The following ALK variants were observed in gnomAD, a reference collection of about 807,000 sequenced individuals.
ALK encodes the protein ALK receptor tyrosine kinase.
ALK carries 74 observed loss-of-function variants against 163.1 expected under a neutral mutation model. The ratio of observed to expected loss-of-function variants is 0.45; its 90% confidence interval spans 0.38 to 0.55. The LOEUF (loss-of-function observed/expected upper bound fraction) is 0.55, where lower values mean the gene tolerates loss of function less well. Ranked by LOEUF, ALK falls within the 20% of genes least tolerant of loss-of-function variation. ALK has a pLI of 0.00. For synonymous variants in ALK, 960 were observed against 843.2 expected, an observed-to-expected ratio of 1.14 and a Z score of -2.40; for missense variants, 2,063 against 2,105.3, an observed-to-expected ratio of 0.98 and a Z score of 0.39.
At chr2:29,219,458 G>A (rs1220093388) in intron 23 of ALK, among the ~76,000 whole-genome samples, 1 of 152,192 alleles carries the variant, frequency 6.6e-6, no homozygotes, top group African/African-American at 2.4e-5. Flanking sequence ...TGGGCTTTCT[G>A]GAACCACTGG....
In ALK at chr2:29,783,820, G is replaced by A. The variant is rs74677667; in HGVS notation, c.668-66123C>T. Among the ~76,000 whole-genome samples the A allele has an allele frequency of 2.0e-4, 30 of 152,222 alleles. No individual in the cohort carries two copies. In the East Asian group the frequency reaches 3.7e-3, roughly 19 times the overall value. ...GGGGATAGAGGACCCTCCCTCCCAC[G>A]GTCACCCCCAGGGACAAAGTGTTGT... On this transcript the variant is annotated intron_variant, in intron 1 of 28. Transcript: ENST00000389048.
At position 29,404,267 on chromosome 2, in the gene ALK, G is replaced by A. The variant is rs1669526121; in HGVS notation, c.1155-20408C>T. ...TGCAGTGAGCCCAGATCATGCCACT[G>A]AACTCCAGCCTGCGTGACCCACGGA... On this transcript the variant is annotated intron_variant, in intron 4 of 28. Coordinates refer to ENST00000389048, the MANE Select transcript of ALK (RefSeq NM_004304.5). Among the ~76,000 whole-genome samples, 4 of 141,638 alleles carry A rather than the reference G, an allele frequency of 2.8e-5. No individual in the cohort carries two copies. The South Asian group carries it at 8.9e-4, about 32-fold the overall frequency. 92.9% of individuals were successfully genotyped at this position (141,638 alleles called of 152,430 possible).
rs1261649311 is a variant in ALK, at chr2:29,825,713, GT to G, written c.667+94279del. Among the ~76,000 whole-genome samples, 681 of 115,850 alleles carry G rather than the reference GT, an allele frequency of 5.9e-3. 4 individuals are homozygous for G. Among genetic ancestry groups the G allele is most frequent in the African/African-American group, 0.012 (436 of 37,860 alleles). 76.0% of individuals were successfully genotyped at this position (115,850 alleles called of 152,430 possible). ...TTGTCTTGAAAAGATCATTTTGTGT[GT>G]TTTTTTTTTTAAATCGTTGTGTACC... On this transcript the variant is annotated intron_variant, in intron 1 of 28. Coordinates refer to ENST00000389048, the MANE Select transcript of ALK (RefSeq NM_004304.5).
At chr2:29,574,069 A>AT (rs1252538071) in intron 3 of ALK, among the ~76,000 whole-genome samples, 1 of 151,220 alleles carries the variant, frequency 6.6e-6, no homozygotes, top group African/African-American at 2.4e-5. Context: ...AAAAAATAAA[A>AT]AAAAAAATGT....
chr2:29,262,109 G>A (rs1024244504), intron 11 of ALK, among the ~76,000 whole-genome samples: 3 of 152,176 alleles, frequency 2.0e-5, no homozygotes, highest in Admixed American at 6.5e-5. Context: ...AACCACGATA[G>A]GTCAGTAGAT....
intron 3 of ALK, among the ~76,000 whole-genome samples, chr2:29,660,432 T>G (rs959361475): frequency 6.6e-6 from 1 of 152,116 alleles, no homozygotes; most frequent in Non-Finnish European, 1.5e-5. Context: ...AGGCCCCTCT[T>G]GAGGAAATCA....
chr2:29,904,586 A>G (rs1447377142), intron 1 of ALK, among the ~76,000 whole-genome samples: 1 of 152,188 alleles, frequency 6.6e-6, no homozygotes, highest in African/African-American at 2.4e-5. Context: ...ATGCTACACT[A>G]AACTCTTCTT....
At chr2:29,848,799 G>A (rs752262536) in intron 1 of ALK, among the ~76,000 whole-genome samples, 3 of 152,178 alleles carry the variant, frequency 2.0e-5, no homozygotes, top group Admixed American at 6.5e-5. Flanking sequence ...TTAGGAGACC[G>A]GCTGGGGAGG....
intron 3 of ALK, among the ~76,000 whole-genome samples, chr2:29,552,993 C>T (rs1673755506): frequency 1.3e-5 from 2 of 152,334 alleles, no homozygotes; most frequent in South Asian, 2.1e-4. Context: ...AAAGCCTCCT[C>T]ATCTTCTCTT....
chr2:29,853,693 TA>T (rs1356327195), intron 1 of ALK, among the ~76,000 whole-genome samples: 2 of 152,164 alleles, frequency 1.3e-5, no homozygotes, highest in Non-Finnish European at 2.9e-5. Flanking sequence ...GCACTTGCAA[TA>T]AAATCTAACG....
chr2:29,619,266 C>A (rs1407503618), intron 3 of ALK, among the ~76,000 whole-genome samples: 1 of 152,206 alleles, frequency 6.6e-6, no homozygotes, highest in Non-Finnish European at 1.5e-5. Context: ...AGTCTTTGCT[C>A]TATTTCTCAC....
intron 8 of ALK, among the ~76,000 whole-genome samples, chr2:29,298,501 G>A (rs930694836): frequency 2.6e-5 from 4 of 152,108 alleles, no homozygotes; most frequent in Admixed American, 1.3e-4. Flanking sequence ...CTGCTAATTT[G>A]AACTTCCATG....
intron 3 of ALK, among the ~76,000 whole-genome samples, chr2:29,569,454 G>A (rs538506511): frequency 6.6e-6 from 1 of 152,214 alleles, no homozygotes; most frequent in South Asian, 2.1e-4. Flanking sequence ...AGAATGGGTT[G>A]GATACTTACA....
At chr2:29,709,403 GT>G (rs1679008709) in intron 2 of ALK, among the ~76,000 whole-genome samples, 1 of 152,186 alleles carries the variant, frequency 6.6e-6, no homozygotes, top group Non-Finnish European at 1.5e-5. Flanking sequence ...GGAGACCTCA[GT>G]TTGCTCCTCA....
intron 18 of ALK, among the ~76,000 whole-genome samples, chr2:29,226,021 C>T (rs773202541): frequency 4.6e-5 from 7 of 152,152 alleles, no homozygotes; most frequent in East Asian, 3.9e-4. Flanking sequence ...CCAGACCACA[C>T]GGAGGTATCG....
intron 1 of ALK, among the ~76,000 whole-genome samples, chr2:29,815,502 C>A (rs1372596097): frequency 6.6e-6 from 1 of 152,156 alleles, no homozygotes; most frequent in Non-Finnish European, 1.5e-5. Flanking sequence ...CGGGCCCCTT[C>A]TTCCACCAGT....
chr2:29,899,856 A>AG (rs936185049), intron 1 of ALK: 28 of 152,392 alleles, frequency 1.8e-4, no homozygotes, highest in Non-Finnish European at 2.9e-4. Context: ...AGAAAGAAAG[A>AG]GAAAAAAAGA....
intron 4 of ALK, among the ~76,000 whole-genome samples, chr2:29,475,486 T>C (rs1671493365): frequency 6.6e-6 from 1 of 151,926 alleles, no homozygotes; most frequent in African/African-American, 2.4e-5. Flanking sequence ...AATCCTTCAA[T>C]CTCCAGGTCC....
chr2:29,347,017 C>T (rs190794218), intron 5 of ALK, among the ~76,000 whole-genome samples: 5 of 152,280 alleles, frequency 3.3e-5, no homozygotes, highest in Admixed American at 1.3e-4. Flanking sequence ...TAAAGAGCAG[C>T]GACTCAGAAT....
Sources: allele counts gnomAD v4.1 joint callset (sites outside exome capture counted in the v4.1 genomes callset), GRCh38; gene constraint gnomAD v4.1.1; transcripts MANE v1.5; gene names NCBI Gene and HGNC (gene_info 2026-07-23, HGNC 2026-07-21).